PTPRG: variants seen among roughly 807,000 people sequenced by gnomAD.
The protein encoded by PTPRG is receptor-type tyrosine-protein phosphatase gamma.
PTPRG carries 102 observed loss-of-function variants against 165.3 expected under a neutral mutation model. The ratio of observed to expected loss-of-function variants is 0.62; its 90% confidence interval spans 0.53 to 0.73. The LOEUF is 0.73. Among genes scored for constraint, PTPRG ranks in the 30% least tolerant of loss-of-function variants. The probability of loss-of-function intolerance (pLI) is 0.00; values close to 1 mark genes in which losing one functional copy is unlikely to be tolerated. For synonymous variants in PTPRG, 675 were observed against 669.5 expected, an observed-to-expected ratio of 1.01 and a Z score of -0.13; for missense variants, 1,866 against 1,861.4, an observed-to-expected ratio of 1.00 and a Z score of -0.05.
At chr3:62,116,184 G>T (rs963082591) in intron 5 of PTPRG, among the ~76,000 whole-genome samples, 57 of 152,040 alleles carry the variant, frequency 3.7e-4, no homozygotes, top group African/African-American at 1.3e-3. Flanking sequence ...TAAAGTCCTT[G>T]CACTTGCCTG....
intron 2 of PTPRG, among the ~76,000 whole-genome samples, chr3:61,907,837 A>G (rs922591925): frequency 1.3e-5 from 2 of 152,186 alleles, no homozygotes; most frequent in African/African-American, 4.8e-5. Flanking sequence ...TAAAGTCAGT[A>G]TTTTGGAACT....
chr3:62,117,223 G>A (rs1454140987), intron 5 of PTPRG, among the ~76,000 whole-genome samples: 3 of 152,154 alleles, frequency 2.0e-5, no homozygotes, highest in Non-Finnish European at 4.4e-5. Flanking sequence ...TTTTACAAAG[G>A]TTTCATCTGA....
intron 2 of PTPRG, among the ~76,000 whole-genome samples, chr3:61,957,121 T>C (rs1298966506): frequency 1.3e-5 from 2 of 152,230 alleles, no homozygotes; most frequent in Admixed American, 6.5e-5. Context: ...AATAAAGCCA[T>C]GTATGTTTAA....
intron 2 of PTPRG, among the ~76,000 whole-genome samples, chr3:61,987,934 A>C (rs1052321997): frequency 6.6e-6 from 1 of 152,190 alleles, no homozygotes; most frequent in Non-Finnish European, 1.5e-5. Context: ...TGGCAAATGC[A>C]TACTATCCCT....
rs559052606 is a variant in PTPRG at position 61,844,502 on chromosome 3, T to C, written c.190+95520T>C. Among the ~76,000 whole-genome samples the C allele has an allele frequency of 2.6e-5, 4 of 152,264 alleles. No homozygotes were observed. The South Asian group carries it at 8.3e-4, about 32-fold the overall frequency. Reference sequence around the variant, plus strand: ...AAATTTAAGTGGGCATCTGTTTTTGTTGTTGTTGTTACTGTGTTTTTAAGA... The same window carrying C: ...AAATTTAAGTGGGCATCTGTTTTTGCTGTTGTTGTTACTGTGTTTTTAAGA... On this transcript the variant is annotated intron_variant, in intron 2 of 29. Transcript: ENST00000474889.
chr3:62,087,202 A>G (rs1701782137), intron 5 of PTPRG, among the ~76,000 whole-genome samples: 1 of 152,190 alleles, frequency 6.6e-6, no homozygotes, highest in African/African-American at 2.4e-5. Context: ...CTGAAAGGTT[A>G]AGTGATTGAC....
At chr3:62,141,613 CAT>C (rs1287158284) in intron 6 of PTPRG, among the ~76,000 whole-genome samples, 2 of 151,622 alleles carry the variant, frequency 1.3e-5, no homozygotes, top group African/African-American at 4.8e-5. Flanking sequence ...AAAAAGAAGA[CAT>C]GTGGCTGGCC....
At chr3:61,906,897 T>A (rs2038671556) in intron 2 of PTPRG, among the ~76,000 whole-genome samples, 1 of 152,178 alleles carries the variant, frequency 6.6e-6, no homozygotes, top group African/African-American at 2.4e-5. Context: ...CTGACTACTG[T>A]TGCTCCTGGC....
At chr3:62,069,670 T>TCACA (rs1451557560) in intron 4 of PTPRG, among the ~76,000 whole-genome samples, 1,629 of 51,684 alleles carry the variant, frequency 0.032, 44 homozygotes, top group African/African-American at 0.1. Flanking sequence ...TCTCTCTCTC[T>TCACA]CTCTCTCTCT....
chr3:62,153,507 G>A (rs1453678408), intron 6 of PTPRG, among the ~76,000 whole-genome samples: 1 of 152,038 alleles, frequency 6.6e-6, no homozygotes, highest in African/African-American at 2.4e-5. Context: ...CATGCTGATG[G>A]ACAATATATC....
chr3:61,574,768 CT>C (rs1700138439), intron 1 of PTPRG, among the ~76,000 whole-genome samples: 1 of 152,130 alleles, frequency 6.6e-6, no homozygotes, highest in East Asian at 1.9e-4. Context: ...CTGGTGAGGG[CT>C]TTTGTGCTGC....
At chr3:62,187,639 A>G (rs182571580) in intron 8 of PTPRG, among the ~76,000 whole-genome samples, 11 of 152,318 alleles carry the variant, frequency 7.2e-5, no homozygotes, top group Non-Finnish European at 1.5e-4. Context: ...AATATTTACT[A>G]TCTGGCCCTT....
At chr3:62,172,337 A>C (rs1002662333) in intron 8 of PTPRG, among the ~76,000 whole-genome samples, 1 of 152,242 alleles carries the variant, frequency 6.6e-6, no homozygotes, top group Non-Finnish European at 1.5e-5. Flanking sequence ...TATTTTCCAA[A>C]GTGGTGGCAT....
chr3:62,192,703 G>A (rs999465851), intron 9 of PTPRG, among the ~76,000 whole-genome samples: 26 of 151,976 alleles, frequency 1.7e-4, no homozygotes, highest in African/African-American at 5.6e-4. Flanking sequence ...GAGCCACTGC[G>A]CCCAGCCTAC....
chr3:62,218,687 G>C (rs192614215), intron 12 of PTPRG, among the ~76,000 whole-genome samples, 164 bp from the exon 13 acceptor site: 183 of 152,308 alleles, frequency 1.2e-3, no homozygotes, highest in African/African-American at 4.3e-3. Context: ...GGATGGGGCA[G>C]GAAATGGTGA....
At chr3:61,827,748 C>G (rs2036152777) in intron 2 of PTPRG, among the ~76,000 whole-genome samples, 1 of 152,088 alleles carries the variant, frequency 6.6e-6, no homozygotes, top group South Asian at 2.1e-4. Flanking sequence ...ATTTTAATAT[C>G]AAGTAGATAA....
intron 4 of PTPRG, among the ~76,000 whole-genome samples, chr3:62,075,624 C>G (rs1701355559): frequency 6.6e-6 from 1 of 152,140 alleles, no homozygotes; most frequent in Non-Finnish European, 1.5e-5. Flanking sequence ...AGGAAGTGTC[C>G]TGATTTGGGC....
At chr3:61,939,964 T>G (rs2039577844) in intron 2 of PTPRG, among the ~76,000 whole-genome samples, 1 of 96,774 alleles carries the variant, frequency 1.0e-5, no homozygotes, top group African/African-American at 4.2e-5. Flanking sequence ...TTTTTTTTTT[T>G]GAGACAGTCT....
intron 8 of PTPRG, among the ~76,000 whole-genome samples, chr3:62,175,931 G>A (rs1576097647): frequency 6.6e-6 from 1 of 152,218 alleles, no homozygotes; most frequent in Non-Finnish European, 1.5e-5. Flanking sequence ...AGAGAGAAGA[G>A]CTGGAGAAGC....
Sources: gnomAD v4.1 joint callset for allele counts (sites outside exome capture counted in the v4.1 genomes callset) on GRCh38, gnomAD v4.1.1 for gene constraint, MANE v1.5 for transcripts, NCBI Gene and HGNC (gene_info 2026-07-23, HGNC 2026-07-21) for gene names.